Variants in ANKRD30A observed in about 807,000 individuals in gnomAD.
ANKRD30A encodes the protein ankyrin repeat domain 30A.
In ANKRD30A, 170 loss-of-function variants were observed where a neutral mutation model predicts 166.3. The observed-to-expected ratio is 1.02, with a 90% CI of 0.90 to 1.16. The LOEUF is 1.16. Ranked by LOEUF, ANKRD30A falls within the 50% of genes most tolerant of loss-of-function variation. The pLI is 0.00. For missense variants in ANKRD30A, 1,630 were observed against 1,518.0 expected (o/e 1.07, Z -1.23); for synonymous variants, 564 against 508.9 (o/e 1.11, Z -1.46).
At chr10:37,161,936 T>C (rs1372843255) in intron 15 of ANKRD30A, among the ~76,000 whole-genome samples, 2 of 152,196 alleles carry the variant, frequency 1.3e-5, no homozygotes, top group Non-Finnish European at 2.9e-5. Flanking sequence ...AATATTGTGG[T>C]GACTTAACAA....
chr10:37,237,382 A>G (rs1482614895), downstream of ANKRD30A, among the ~76,000 whole-genome samples: 1 of 152,216 alleles, frequency 6.6e-6, no homozygotes, highest in East Asian at 1.9e-4. Flanking sequence ...ACCATATTAT[A>G]TAAAACAGAA....
chr10:37,254,139 CTAT>C, the ANKRD30A span, among the ~76,000 whole-genome samples: 5 of 152,146 alleles, frequency 3.3e-5, no homozygotes, highest in East Asian at 3.8e-4. Flanking sequence ...TTATTTTAGG[CTAT>C]TATTAATAAT....
At chr10:37,244,306 C>T in the ANKRD30A span, among the ~76,000 whole-genome samples, 1,114 of 152,268 alleles carry the variant, frequency 7.3e-3, 11 homozygotes, top group African/African-American at 0.026. Context: ...GTCACTCACA[C>T]ACACATCCAC....
At chr10:37,260,739 C>T in the ANKRD30A span, among the ~76,000 whole-genome samples, 1 of 152,136 alleles carries the variant, frequency 6.6e-6, no homozygotes, top group South Asian at 2.1e-4. Context: ...GAAATTTGGA[C>T]ACAAAAGTCT....
At chr10:37,191,328 C>G (rs903823538) in intron 25 of ANKRD30A, among the ~76,000 whole-genome samples, 1 of 151,914 alleles carries the variant, frequency 6.6e-6, no homozygotes, top group Non-Finnish European at 1.5e-5. Flanking sequence ...CCAAGCTGAT[C>G]AATTCATAAC....
At chr10:37,226,280 C>T (rs1843150406) in intron 34 of ANKRD30A, among the ~76,000 whole-genome samples, 2 of 134,560 alleles carry the variant, frequency 1.5e-5, no homozygotes, top group African/African-American at 5.6e-5. Flanking sequence ...CAACAGGCCC[C>T]GGTGTGTGAT....
downstream of ANKRD30A, among the ~76,000 whole-genome samples, chr10:37,234,763 T>C (rs1843601182): frequency 6.6e-6 from 1 of 152,230 alleles, no homozygotes; most frequent in African/African-American, 2.4e-5. Context: ...CAAATGTTCA[T>C]TCAGTTTAGC....
Position 37,162,908 on chromosome 10 carries a change from T to C in ANKRD30A, c.2002+60T>C, listed in dbSNP as rs191310098. On this transcript the variant is annotated intron_variant, in intron 17 of 35. Coordinates refer to ENST00000361713, the MANE Select transcript of ANKRD30A (RefSeq NM_052997.3). ...ATTTCAATATTGGACATTTTGATGGTCTTTCTGTACCCAATGGTTTATTTT... is the reference window on the plus strand; with the variant it reads ...ATTTCAATATTGGACATTTTGATGGCCTTTCTGTACCCAATGGTTTATTTT... 2.3e-5 allele frequency: 36 copies of C among 1,577,044 alleles called. No homozygotes were observed. In the African/African-American group the frequency reaches 4.2e-4, roughly 18 times the overall value.
At position 37,141,998 on chromosome 10, in the gene ANKRD30A, A is replaced by G; in HGVS notation, c.1101A>G (p.Glu367=). 1 of 1,614,132 alleles carries G rather than the reference A, an allele frequency of 6.2e-7. No homozygotes were observed. Among genetic ancestry groups the G allele is most frequent in the Non-Finnish European group, 8.5e-7 (1 of 1,179,984 alleles). ...GGGAAATTACGAGTCCTGCAAAAGA[A>G]ACATCTGAGAAATTTACGTGGCCAG... The part of the protein sequence containing the change: ...TPREITSPAK[E]TSEKFTWPAK... The change falls in exon 7 of 36, where the codon GAA becomes GAG. Residue 367 remains glutamate, a synonymous_variant. Transcript: ENST00000361713.
the ANKRD30A span, among the ~76,000 whole-genome samples, chr10:37,247,201 C>CA: frequency 6.6e-6 from 1 of 152,036 alleles, no homozygotes; most frequent in Non-Finnish European, 1.5e-5. Flanking sequence ...AGAAAAAGAA[C>CA]AAAAAGTGAT....
chr10:37,164,985 C>T (rs1250579485), intron 17 of ANKRD30A, 109 bp from the exon 18 acceptor site: 6 of 1,180,714 alleles, frequency 5.1e-6, no homozygotes, highest in Admixed American at 3.8e-5. Context: ...ACATATGGGC[C>T]ACAGAGGAAA....
At chr10:37,195,118 T>G (rs1840971271) in intron 27 of ANKRD30A, among the ~76,000 whole-genome samples, 2 of 152,268 alleles carry the variant, frequency 1.3e-5, no homozygotes, top group African/African-American at 2.4e-5. Flanking sequence ...TTTGTTGAAC[T>G]TCAGAGATGC....
chr10:37,251,835 G>T, the ANKRD30A span, among the ~76,000 whole-genome samples: 1 of 152,284 alleles, frequency 6.6e-6, no homozygotes, highest in East Asian at 1.9e-4. Flanking sequence ...TGGAGTTTGT[G>T]ATAGTTCATT....
intron 18 of ANKRD30A, among the ~76,000 whole-genome samples, chr10:37,166,354 G>A (rs1342841705): frequency 1.3e-5 from 2 of 152,314 alleles, no homozygotes; most frequent in Middle Eastern, 3.4e-3. Context: ...TTTTTGTGAA[G>A]GTGATTTGTT....
intron 6 of ANKRD30A, 116 bp downstream of exon 6, chr10:37,136,787 A>G (rs1010596877): frequency 1.3e-5 from 6 of 470,816 alleles, no homozygotes; most frequent in Non-Finnish European, 2.3e-5. Context: ...TTACATATAT[A>G]CATATATGTG....
At chr10:37,232,900 A>C (rs1200857), downstream of ANKRD30A, among the ~76,000 whole-genome samples, 26,749 of 148,228 alleles carry the variant, frequency 0.18, 3,200 homozygotes, top group Admixed American at 0.26. Flanking sequence ...TTAAAAAAAA[A>C]AAAAAAACAA....
chr10:37,177,365 T>A (rs1232903323), intron 24 of ANKRD30A, among the ~76,000 whole-genome samples: 1 of 152,050 alleles, frequency 6.6e-6, no homozygotes, highest in Non-Finnish European at 1.5e-5. Context: ...AAGTTAGATA[T>A]TTTTAAGAGA....
intron 25 of ANKRD30A, among the ~76,000 whole-genome samples, chr10:37,191,206 A>T (rs1840543007): frequency 1.3e-5 from 2 of 151,948 alleles, no homozygotes; most frequent in African/African-American, 4.8e-5. Flanking sequence ...GTGGATTAAG[A>T]GATATTGAGA....
At chr10:37,133,701 C>T (rs1321265648) in intron 4 of ANKRD30A, among the ~76,000 whole-genome samples, 1 of 152,164 alleles carries the variant, frequency 6.6e-6, no homozygotes, top group Non-Finnish European at 1.5e-5. Context: ...TCTCAAAGGA[C>T]TTTATATTAG....
Sources: gnomAD v4.1 joint callset for allele counts (sites outside exome capture counted in the v4.1 genomes callset) on GRCh38, gnomAD v4.1.1 for gene constraint, MANE v1.5 for transcripts, NCBI Gene and HGNC (gene_info 2026-07-23, HGNC 2026-07-21) for gene names.